The following MOBP variants were observed in gnomAD, a reference collection of about 807,000 sequenced individuals.
The protein encoded by MOBP is myelin-associated oligodendrocyte basic protein.
Under a neutral mutation model 15.0 loss-of-function variants are expected in MOBP, and 5 were observed. The ratio of observed to expected loss-of-function variants is 0.33; its 90% CI spans 0.17 to 0.70. The LOEUF is 0.70. MOBP is among the 30% of genes least tolerant of loss of function. The pLI is 0.67. For synonymous variants in MOBP, 88 were observed against 99.0 expected, an observed-to-expected ratio of 0.89 and a Z score of 0.66; for missense variants, 188 against 257.8, an observed-to-expected ratio of 0.73 and a Z score of 1.85.
chr3:39,501,050 A>C (rs1262558358), intron 2 of MOBP, among the ~76,000 whole-genome samples: 1 of 152,222 alleles, frequency 6.6e-6, no homozygotes, highest in African/African-American at 2.4e-5. Flanking sequence ...GTAGAAGACA[A>C]CCACACCAAC....
downstream of MOBP, among the ~76,000 whole-genome samples, chr3:39,506,692 G>A (rs981231179): frequency 3.9e-5 from 6 of 152,188 alleles, no homozygotes; most frequent in Non-Finnish European, 5.9e-5. Context: ...TTAAGGAGAT[G>A]GCAAAGTGGA....
intron 2 of MOBP, among the ~76,000 whole-genome samples, chr3:39,487,514 CTTTCTTTTTTTTTT>C (rs1025064163): frequency 3.4e-5 from 4 of 116,262 alleles, no homozygotes; most frequent in African/African-American, 1.4e-4. Context: ...TCAGAATTTT[CTTTCTTTTTTTTTT>C]TTTTTTTTTT....
intron 1 of MOBP, among the ~76,000 whole-genome samples, chr3:39,474,742 G>T (rs2042521544): frequency 3.3e-5 from 5 of 152,230 alleles, no homozygotes; most frequent in Non-Finnish European, 5.9e-5. Flanking sequence ...CATAAAAAGA[G>T]TGAGAATTCT....
At chr3:39,506,892 G>A (rs1261767122), downstream of MOBP, among the ~76,000 whole-genome samples, 1 of 152,166 alleles carries the variant, frequency 6.6e-6, no homozygotes, top group Non-Finnish European at 1.5e-5. Flanking sequence ...TATATCAGTG[G>A]TGCTTTCTGT....
intron 2 of MOBP, among the ~76,000 whole-genome samples, chr3:39,481,950 A>G (rs1166216041): frequency 1.3e-5 from 2 of 152,130 alleles, no homozygotes; most frequent in Non-Finnish European, 2.9e-5. Flanking sequence ...CATCAAAGCA[A>G]TCCCTTCCAC....
intron 1 of MOBP, among the ~76,000 whole-genome samples, chr3:39,478,110 C>T (rs1261890300): frequency 1.3e-5 from 2 of 152,140 alleles, no homozygotes; most frequent in Admixed American, 6.5e-5. Flanking sequence ...ACTGTAATGT[C>T]CTAGGCCTTC....
chr3:39,499,750 C>G lies in MOBP; in HGVS notation c.-4-2316C>G, dbSNP rs185713750. 767 of 300,302 alleles carry G rather than the reference C, an allele frequency of 2.6e-3. 1 individual carries two copies. The highest frequency in any genetic ancestry group is 6.9e-3 in the Middle Eastern group (6 of 864). The allele number at this position is 300,302 out of a possible 1,614,324, so 18.6% of individuals were successfully genotyped here. On this transcript the variant is annotated intron_variant, in intron 2 of 3. Transcript: ENST00000684792. ...ATGACTGTGTTCCCAGTCACATGGGCTAGACACTTCACCTGCCTCATTGCC... is the reference window on the plus strand; with the variant it reads ...ATGACTGTGTTCCCAGTCACATGGGGTAGACACTTCACCTGCCTCATTGCC...
At chr3:39,496,084 T>C (rs2042876525) in intron 2 of MOBP, among the ~76,000 whole-genome samples, 1 of 152,162 alleles carries the variant, frequency 6.6e-6, no homozygotes, top group Non-Finnish European at 1.5e-5. Context: ...CTACTTTTTA[T>C]TAACTGTATA....
intron 1 of MOBP, among the ~76,000 whole-genome samples, chr3:39,469,137 TATATAC>T (rs1338204996): frequency 1.1e-5 from 1 of 87,198 alleles, no homozygotes; most frequent in Non-Finnish European, 2.0e-5. Flanking sequence ...TATGTGTGTG[TATATAC>T]ATATATACAT....
rs113714403 is a variant in MOBP at position 39,475,237 on chromosome 3, G to A, written c.-88-4803G>A. Among the ~76,000 whole-genome samples, 29 of 152,176 alleles carry A rather than the reference G, an allele frequency of 1.9e-4. 1 individual carries two copies. Among genetic ancestry groups the A allele is most frequent in the African/African-American group, 6.7e-4 (28 of 41,536 alleles). ...TATATTATTGAAAAGAATTACACAG[G>A]GATGATGTGTGCTTCTCATATCAGA... is the stretch of plus-strand genomic sequence containing the variant. On this transcript the variant is annotated intron_variant, in intron 1 of 3. Transcript: ENST00000684792.
intron 1 of MOBP, among the ~76,000 whole-genome samples, chr3:39,477,471 CCAATTGTATAAAAGTACAGCACATA>C (rs1447681258): frequency 6.6e-6 from 1 of 151,386 alleles, no homozygotes; most frequent in Non-Finnish European, 1.5e-5. Flanking sequence ...TACTGTGCTG[CCAATTGTATAAAAGTACAGCACATA>C]CAATTATGTA....
At chr3:39,513,761 G>T (rs2043154139) in exon 5 of MOBP, 2 of 291,126 alleles carry the variant, frequency 6.9e-6, no homozygotes, top group Admixed American at 9.8e-5. Context: ...ATGGCTCAGG[G>T]TCAGGGTGGC....
At chr3:39,520,548 GTGTGTGTGTA>G (rs1433365577), downstream of MOBP, among the ~76,000 whole-genome samples, 2 of 139,682 alleles carry the variant, frequency 1.4e-5, no homozygotes, top group African/African-American at 6.3e-5. Flanking sequence ...GTGTGTGTGT[GTGTGTGTGTA>G]TGTGTGTGTG....
intron 1 of MOBP, among the ~76,000 whole-genome samples, chr3:39,469,179 TGTGTGTGTGTGTATATACATATATAC>T (rs1276351691): frequency 0.012 from 778 of 65,940 alleles, 254 homozygotes; most frequent in African/African-American, 0.086. Flanking sequence ...CATATATACA[TGTGTGTGTGTGTATATACATATATAC>T]ATGTGTGTGT....
At chr3:39,483,971 C>T (rs73066252) in intron 2 of MOBP, among the ~76,000 whole-genome samples, 21 of 152,336 alleles carry the variant, frequency 1.4e-4, no homozygotes, top group Non-Finnish European at 2.1e-4. Flanking sequence ...TCAGTGTCAA[C>T]GTTCGTTCAT....
downstream of MOBP, chr3:39,526,963 A>G (rs779563834): frequency 6.6e-6 from 1 of 151,892 alleles, no homozygotes; most frequent in African/African-American, 2.4e-5. Flanking sequence ...TTTAGTAGAG[A>G]TAGGGATTCA....
intron 3 of MOBP, among the ~76,000 whole-genome samples, chr3:39,521,966 G>A (rs1241614624): frequency 6.6e-6 from 1 of 152,220 alleles, no homozygotes; most frequent in East Asian, 1.9e-4. Flanking sequence ...GTGGTGAGTG[G>A]GTATGGGAGG....
intron 2 of MOBP, among the ~76,000 whole-genome samples, chr3:39,483,256 A>G (rs2042653632): frequency 2.6e-5 from 4 of 152,216 alleles, no homozygotes. Context: ...ATAACATGGT[A>G]AATATAAAGA....
At chr3:39,520,217 G>A (rs1313147305), downstream of MOBP, among the ~76,000 whole-genome samples, 1 of 152,104 alleles carries the variant, frequency 6.6e-6, no homozygotes, top group Non-Finnish European at 1.5e-5. Context: ...CCATAGCCAA[G>A]TGCATTCTGT....
Sources: allele counts gnomAD v4.1 joint callset (sites outside exome capture counted in the v4.1 genomes callset), GRCh38; gene constraint gnomAD v4.1.1; transcripts MANE v1.5; gene names NCBI Gene and HGNC (gene_info 2026-07-23, HGNC 2026-07-21).